The following CTNNA3 variants were observed in gnomAD, a reference collection of about 807,000 sequenced individuals.
CTNNA3 encodes the protein catenin alpha 3, also known as catenin alpha-3.
Under a neutral mutation model 95.7 loss-of-function variants are expected in CTNNA3, and 76 were observed. That is an observed-to-expected ratio of 0.79 (90% CI 0.66 to 0.96). The LOEUF is 0.96. Among genes scored for constraint, CTNNA3 ranks in the 40% least tolerant of loss-of-function variants. The probability of loss-of-function intolerance (pLI) is 0.00; values close to 1 mark genes in which losing one functional copy is unlikely to be tolerated. For synonymous variants in CTNNA3, 431 were observed against 374.4 expected (o/e 1.15, Z -1.74); for missense variants, 1,191 against 1,089.8 (o/e 1.09, Z -1.31).
chr10:66,921,900 G>A (rs1014389514), intron 7 of CTNNA3, among the ~76,000 whole-genome samples: 7 of 152,092 alleles, frequency 4.6e-5, no homozygotes, highest in African/African-American at 1.7e-4. Context: ...GCACACAATG[G>A]TTATTCAAAT....
Position 66,997,871 on chromosome 10 carries a change from C to T in CTNNA3, c.1047+182446G>A, listed in dbSNP as rs78314792. The stretch of plus-strand genomic sequence containing the variant: ...TACAGTCATCCATTCCACTCCATCC[C>T]CACACTCCTAATTGGTGATTAAGAC... On this transcript the variant is annotated intron_variant, in intron 7 of 17. Coordinates refer to ENST00000433211, the MANE Select transcript of CTNNA3 (RefSeq NM_013266.4). Among the ~76,000 whole-genome samples, 15 of 152,248 alleles carry T rather than the reference C, an allele frequency of 9.9e-5. No individual in the cohort carries two copies. The East Asian group carries it at 2.3e-3, about 24-fold the overall frequency.
At chr10:66,014,696 C>T (rs1450585481) in intron 15 of CTNNA3, among the ~76,000 whole-genome samples, 1 of 151,974 alleles carries the variant, frequency 6.6e-6, no homozygotes, top group Non-Finnish European at 1.5e-5. Context: ...ATACTTTTTA[C>T]AACTAAGAAA....
chr10:67,057,410 C>CA (rs1855503366), intron 7 of CTNNA3, among the ~76,000 whole-genome samples: 1 of 152,078 alleles, frequency 6.6e-6, no homozygotes, highest in South Asian at 2.1e-4. Context: ...CCTTGACCAA[C>CA]ATCTCTCCAT....
chr10:66,525,074 A>G (rs952351019), intron 10 of CTNNA3, among the ~76,000 whole-genome samples: 1 of 151,880 alleles, frequency 6.6e-6, no homozygotes, highest in Admixed American at 6.6e-5. Context: ...AAAGAAAAGA[A>G]AGAAAGAAAG....
chr10:67,184,114 A>C (rs983368232), intron 6 of CTNNA3, among the ~76,000 whole-genome samples: 2 of 152,170 alleles, frequency 1.3e-5, no homozygotes, highest in Non-Finnish European at 2.9e-5. Context: ...AAGCTTTCCT[A>C]AGCATTTTTC....
In CTNNA3 at chr10:67,574,833, G is replaced by A. The variant is rs530393483; in HGVS notation, c.292+32024C>T. On this transcript the variant is annotated intron_variant, in intron 3 of 17. Transcript: ENST00000433211. ...TGACCTCAGGTGATCCACCTGCCTC[G>A]GCCTCCCAAAGTGTTGGGATTACAG... Among the ~76,000 whole-genome samples, 12 of 152,052 alleles carry A rather than the reference G, an allele frequency of 7.9e-5. No homozygotes were observed. The South Asian group carries it at 1.9e-3, about 24-fold the overall frequency.
chr10:65,967,293 T>C lies in CTNNA3; in HGVS notation c.2266-547A>G, dbSNP rs113545711. 8.5e-3 allele frequency among the ~76,000 whole-genome samples: 1,296 copies of C among 152,314 alleles called. 9 individuals carry two copies. Among genetic ancestry groups the C allele is most frequent in the Admixed American group, 0.015 (224 of 15,298 alleles). On this transcript the variant is annotated intron_variant, in intron 16 of 17. Coordinates refer to ENST00000433211, the MANE Select transcript of CTNNA3 (RefSeq NM_013266.4). ...AATAATTTTTAGACATAAAAAGGTA[T>C]ATAAAATAGCTGCCTTTAATTTATG... is the stretch of plus-strand genomic sequence containing the variant.
At position 67,212,036 on chromosome 10, in the gene CTNNA3, A is replaced by C. The variant is rs1265175324; in HGVS notation, c.843+7571T>G. On this transcript the variant is annotated intron_variant, in intron 6 of 17. Coordinates refer to ENST00000433211, the MANE Select transcript of CTNNA3 (RefSeq NM_013266.4). ...TAGCACAAGGGTTCACACAGACATT[A>C]ATTACACAGAAAATAGATTTAATAA... 2.6e-5 allele frequency among the ~76,000 whole-genome samples: 4 copies of C among 152,220 alleles called. No individual in the cohort carries two copies. The East Asian group carries it at 7.7e-4, about 29-fold the overall frequency.
chr10:67,411,053 G>A (rs1845347442), intron 5 of CTNNA3, among the ~76,000 whole-genome samples: 1 of 152,100 alleles, frequency 6.6e-6, no homozygotes, highest in Non-Finnish European at 1.5e-5. Flanking sequence ...TGGGAGTGAG[G>A]AGATGGGTTA....
At chr10:66,548,780 C>A (rs141356060) in intron 10 of CTNNA3, among the ~76,000 whole-genome samples, 58 of 152,006 alleles carry the variant, frequency 3.8e-4, no homozygotes, top group African/African-American at 1.4e-3. Context: ...AAATATGTAT[C>A]TTTCTTATAA....
At chr10:67,684,738 C>G (rs1305928997) in intron 1 of CTNNA3, among the ~76,000 whole-genome samples, 1 of 152,176 alleles carries the variant, frequency 6.6e-6, no homozygotes, top group Non-Finnish European at 1.5e-5. Flanking sequence ...GTAAGACCAT[C>G]TGTAACTTGA....
chr10:66,239,624 A>T (rs1219255436), intron 13 of CTNNA3, among the ~76,000 whole-genome samples: 1 of 152,026 alleles, frequency 6.6e-6, no homozygotes, highest in Non-Finnish European at 1.5e-5. Context: ...TTACTTTGAA[A>T]TTATCCTTTG....
intron 7 of CTNNA3, among the ~76,000 whole-genome samples, chr10:67,064,134 CTTG>C (rs1393891974): frequency 6.6e-6 from 1 of 152,122 alleles, no homozygotes; most frequent in African/African-American, 2.4e-5. Flanking sequence ...AGCCTATCAA[CTTG>C]TTTTTTTCAT....
At chr10:67,198,958 A>T (rs1734264705) in intron 6 of CTNNA3, among the ~76,000 whole-genome samples, 1 of 152,076 alleles carries the variant, frequency 6.6e-6, no homozygotes, top group Admixed American at 6.6e-5. Context: ...TTAAGGAACA[A>T]GAACATGTGC....
At chr10:67,267,154 CA>C (rs1362962954) in intron 5 of CTNNA3, among the ~76,000 whole-genome samples, 3 of 152,116 alleles carry the variant, frequency 2.0e-5, no homozygotes, top group African/African-American at 7.2e-5. Context: ...AAAACACAAA[CA>C]ATTCTTAACT....
chr10:66,842,837 G>T (rs1589320283), intron 7 of CTNNA3, among the ~76,000 whole-genome samples: 1 of 152,144 alleles, frequency 6.6e-6, no homozygotes, highest in African/African-American at 2.4e-5. Flanking sequence ...AAAACACTGA[G>T]GTTGAAGAGA....
intron 16 of CTNNA3, among the ~76,000 whole-genome samples, chr10:65,969,254 G>A (rs1415591199): frequency 3.3e-5 from 5 of 151,988 alleles, no homozygotes; most frequent in African/African-American, 9.7e-5. Flanking sequence ...AAAATCAATA[G>A]TATTATAGGG....
chr10:67,191,347 A>G (rs1314631883), intron 6 of CTNNA3, among the ~76,000 whole-genome samples: 1 of 152,016 alleles, frequency 6.6e-6, no homozygotes, highest in Non-Finnish European at 1.5e-5. Flanking sequence ...TATTATGTAT[A>G]GAAAACCCAA....
intron 10 of CTNNA3, among the ~76,000 whole-genome samples, chr10:66,583,870 A>C (rs1843275131): frequency 6.6e-6 from 1 of 151,806 alleles, no homozygotes; most frequent in African/African-American, 2.4e-5. Flanking sequence ...AGGTTTTGAT[A>C]ACTTGTGTCA....
Sources: allele counts gnomAD v4.1 joint callset (sites outside exome capture counted in the v4.1 genomes callset), GRCh38; gene constraint gnomAD v4.1.1; transcripts MANE v1.5; gene names NCBI Gene and HGNC (gene_info 2026-07-23, HGNC 2026-07-21).